Variants in LARP1B observed in about 807,000 individuals in gnomAD.
LARP1B encodes la-related protein 1B.
Under a neutral mutation model 114.2 loss-of-function variants are expected in LARP1B, and 76 were observed. The ratio of observed to expected loss-of-function variants is 0.67; its 90% CI spans 0.55 to 0.81. LARP1B has a LOEUF of 0.81. Ranked by LOEUF, LARP1B falls within the 30% of genes least tolerant of loss-of-function variation. The probability of loss-of-function intolerance (pLI) is 0.00; values close to 1 mark genes in which losing one functional copy is unlikely to be tolerated. For synonymous variants in LARP1B, 345 were observed against 348.0 expected, an observed-to-expected ratio of 0.99 and a Z score of 0.10; for missense variants, 1,014 against 1,075.8, an observed-to-expected ratio of 0.94 and a Z score of 0.80.
At position 128,108,052 on chromosome 4, in the gene LARP1B, G is replaced by A. The variant is rs542758533; in HGVS notation, c.988+739G>A. 4.8e-6 allele frequency: 7 copies of A among 1,468,802 alleles called. No homozygotes were observed. In the African/African-American group the frequency reaches 9.9e-5, roughly 21 times the overall value. The allele number at this position is 1,468,802 out of a possible 1,614,324, so 91.0% of individuals were successfully genotyped here. A position where few individuals can be genotyped will look rare whatever the true frequency, so the allele number is the denominator to read the frequency against. ...ATGTCTATTCCCACCTCTTGGTGGAGGAAGTTGGGCCAACACTGCAGTGGA... is the reference window on the plus strand; with the variant it reads ...ATGTCTATTCCCACCTCTTGGTGGAAGAAGTTGGGCCAACACTGCAGTGGA... On this transcript the variant is annotated intron_variant, in intron 9 of 19. Coordinates refer to ENST00000326639, the MANE Select transcript of LARP1B (RefSeq NM_018078.4).
intron 11 of LARP1B, among the ~76,000 whole-genome samples, chr4:128,127,613 T>A (rs1291371041): frequency 1.3e-5 from 2 of 152,124 alleles, no homozygotes; most frequent in Non-Finnish European, 2.9e-5. Flanking sequence ...GTGGGTGTAT[T>A]ACCTGAGGTC....
intron 9 of LARP1B, chr4:128,107,769 G>A (rs1782609612): frequency 5.9e-6 from 9 of 1,514,096 alleles, no homozygotes; most frequent in Admixed American, 4.2e-5. Context: ...TTGGGGTTCT[G>A]TTTAATTTGG....
At chr4:128,115,562 C>T (rs28874982) in intron 10 of LARP1B, among the ~76,000 whole-genome samples, 6,456 of 152,086 alleles carry the variant, frequency 0.042, 437 homozygotes, top group African/African-American at 0.15. Flanking sequence ...CAAAGTGAGA[C>T]CCTGTCTCAA....
rs201885302 is a variant in LARP1B, at chr4:128,199,581, C to T, written c.2146C>T (p.Arg716Cys). The change falls in exon 16 of 20, where the codon CGT becomes TGT. Residue 716 changes from arginine (R) to cysteine (C), a missense_variant. Physicochemically the swap from Arg to Cys is radical, Grantham distance 180. Transcript: ENST00000326639. ...GFTQQVYHKYRRRCLSERKRL... is the reference protein window; with the variant it reads ...GFTQQVYHKYCRRCLSERKRL... ...TACCCAACAAGTGTACCACAAGTAT[C>T]GTCGAAGATGCCTAAGTGGTAAGAT... 38 of 1,563,426 alleles carry T rather than the reference C, an allele frequency of 2.4e-5. No homozygotes were observed. The highest frequency in any genetic ancestry group is 2.9e-5 in the Non-Finnish European group (34 of 1,152,710).
intron 11 of LARP1B, among the ~76,000 whole-genome samples, chr4:128,136,957 C>T (rs1040425472): frequency 1.3e-5 from 2 of 151,746 alleles, no homozygotes; most frequent in Admixed American, 1.3e-4. Context: ...CCATATTCCC[C>T]AAAACAATGA....
chr4:128,177,726 A>G (rs1325283503), intron 13 of LARP1B, among the ~76,000 whole-genome samples: 2 of 152,134 alleles, frequency 1.3e-5, no homozygotes, highest in African/African-American at 2.4e-5. Flanking sequence ...TGAGAGTGTA[A>G]GTTGGTGAAA....
chr4:128,211,370 C>T lies in LARP1B; in HGVS notation c.*1317C>T. 1.1e-6 allele frequency: 1 copy of T among 943,480 alleles called. No individual in the cohort carries two copies. The highest frequency in any genetic ancestry group is 1.3e-6 in the Non-Finnish European group (1 of 792,014). 58.4% of individuals were successfully genotyped at this position (943,480 alleles called of 1,614,324 possible). A position where few individuals can be genotyped will look rare whatever the true frequency, so the allele number is the denominator to read the frequency against. On this transcript the variant is annotated 3_prime_UTR_variant, in exon 20 of 20. Transcript: ENST00000326639. ...TTTTGAGCAGATTGGATATCTTGTT[C>T]TTATAAATTATAATATTGAAATACA...
At chr4:128,083,641 C>G (rs1318502332) in intron 5 of LARP1B, among the ~76,000 whole-genome samples, 3 of 139,730 alleles carry the variant, frequency 2.1e-5, no homozygotes, top group Non-Finnish European at 4.7e-5. Flanking sequence ...CCACCTCCCT[C>G]CCGGACGGGG....
At chr4:128,106,711 A>T (rs543420979) in intron 8 of LARP1B, among the ~76,000 whole-genome samples, 1 of 151,956 alleles carries the variant, frequency 6.6e-6, no homozygotes, top group East Asian at 1.9e-4. Flanking sequence ...TACCTTCTTT[A>T]TGAGGTATTG....
At chr4:128,129,472 T>C (rs1351222508) in intron 11 of LARP1B, among the ~76,000 whole-genome samples, 2 of 152,308 alleles carry the variant, frequency 1.3e-5, no homozygotes, top group Middle Eastern at 3.4e-3. Flanking sequence ...CTGTGCAGTT[T>C]ATGGTCTTGT....
In LARP1B at chr4:128,082,197, G is replaced by C; in HGVS notation, c.250G>C (p.Asp84His). 1 of 1,612,508 alleles carries C rather than the reference G, an allele frequency of 6.2e-7. No homozygotes were observed. The highest frequency in any genetic ancestry group is 8.5e-7 in the Non-Finnish European group (1 of 1,179,958). The change falls in exon 5 of 20, where the codon GAT becomes CAT. Residue 84 changes from aspartate to histidine, a missense_variant. Physicochemically the swap from Asp to His is moderately conservative, Grantham distance 81. Coordinates refer to ENST00000326639, the MANE Select transcript of LARP1B (RefSeq NM_018078.4). ...GCACAAGTGGGTACCACTCCACTTA[G>C]ATGTTGTAAGATCAGAGAGTCAAGA... ...NKHKWVPLHL[D>H]VVRSESQERP...
intron 12 of LARP1B, among the ~76,000 whole-genome samples, chr4:128,169,514 A>AT (rs1356746178): frequency 2.6e-5 from 4 of 151,970 alleles, no homozygotes; most frequent in African/African-American, 9.7e-5. Flanking sequence ...CCTGAAATCT[A>AT]TTTTTTTGAA....
intron 11 of LARP1B, among the ~76,000 whole-genome samples, chr4:128,131,032 A>G (rs1316488165): frequency 6.6e-6 from 1 of 152,234 alleles, no homozygotes; most frequent in African/African-American, 2.4e-5. Context: ...TGGAAGGGGA[A>G]GAGATGAATG....
chr4:128,133,301 A>G (rs562732041), intron 11 of LARP1B, among the ~76,000 whole-genome samples: 5 of 152,330 alleles, frequency 3.3e-5, no homozygotes, highest in African/African-American at 4.8e-5. Context: ...AAAACAATTG[A>G]ATTGTATACT....
At chr4:128,069,056 A>G (rs928922697) in intron 1 of LARP1B, 3 of 1,006,984 alleles carry the variant, frequency 3.0e-6, no homozygotes, top group Non-Finnish European at 4.5e-6. Flanking sequence ...GCCTTCTCCA[A>G]GCTCCCTGGT....
intron 11 of LARP1B, among the ~76,000 whole-genome samples, chr4:128,143,796 G>GTGTGTGTGTGTGTGTGTGTGT (rs1729108317): frequency 6.8e-6 from 1 of 147,844 alleles, no homozygotes; most frequent in Non-Finnish European, 1.5e-5. Context: ...TAAGGCACAG[G>GTGTGTGTGTGTGTGTGTGTGT]GTGTGTGTGT....
chr4:128,134,230 G>A (rs989683965), intron 11 of LARP1B, among the ~76,000 whole-genome samples: 4 of 151,972 alleles, frequency 2.6e-5, no homozygotes, highest in Admixed American at 2.0e-4. Flanking sequence ...CAAACTCCTG[G>A]CCTTAAGCAA....
At chr4:128,097,746 A>G (rs1358448388) in intron 7 of LARP1B, among the ~76,000 whole-genome samples, 1 of 152,162 alleles carries the variant, frequency 6.6e-6, no homozygotes, top group African/African-American at 2.4e-5. Context: ...TTTCCAGTAT[A>G]CCACTCTTCT....
chr4:128,162,120 G>A (rs1369337641), intron 11 of LARP1B, 74 bp from the exon 12 acceptor site: 3 of 1,385,406 alleles, frequency 2.2e-6, no homozygotes, highest in Middle Eastern at 1.9e-4. Flanking sequence ...ATTTTTTTGA[G>A]GTTGGTATCA....
Sources: allele counts gnomAD v4.1 joint callset (sites outside exome capture counted in the v4.1 genomes callset), GRCh38; gene constraint gnomAD v4.1.1; transcripts MANE v1.5; gene names NCBI Gene and HGNC (gene_info 2026-07-23, HGNC 2026-07-21).